CTNNA3: variants seen among roughly 807,000 people sequenced by gnomAD.
The protein encoded by CTNNA3 is catenin alpha 3.
Under a neutral mutation model 95.7 loss-of-function variants are expected in CTNNA3, and 76 were observed. The ratio of observed to expected loss-of-function variants is 0.79; its 90% CI spans 0.66 to 0.96. The LOEUF (loss-of-function observed/expected upper bound fraction) is 0.96, where lower values mean the gene tolerates loss of function less well. Among genes scored for constraint, CTNNA3 ranks in the 40% least tolerant of loss-of-function variants. The probability of loss-of-function intolerance (pLI) is 0.00; values close to 1 mark genes in which losing one functional copy is unlikely to be tolerated. For synonymous variants in CTNNA3, 431 were observed against 374.4 expected, an observed-to-expected ratio of 1.15 and a Z score of -1.74; for missense variants, 1,191 against 1,089.8, an observed-to-expected ratio of 1.09 and a Z score of -1.31.
intron 16 of CTNNA3, among the ~76,000 whole-genome samples, chr10:65,977,044 G>C (rs960463135): frequency 6.6e-6 from 1 of 151,954 alleles, no homozygotes; most frequent in African/African-American, 2.4e-5. Context: ...AAATTTTTAC[G>C]TGAAAGTGAC....
intron 9 of CTNNA3, among the ~76,000 whole-genome samples, chr10:66,650,588 T>C (rs886480155): frequency 6.6e-6 from 1 of 152,178 alleles, no homozygotes; most frequent in East Asian, 1.9e-4. Flanking sequence ...TTACAGTTTT[T>C]AAAGATGGTG....
chr10:66,865,337 C>G (rs780426141), intron 7 of CTNNA3, among the ~76,000 whole-genome samples: 3 of 151,624 alleles, frequency 2.0e-5, no homozygotes, highest in Non-Finnish European at 2.9e-5. Context: ...GGTCAGAGTA[C>G]GTATTTCTAT....
rs552725103 is a variant in CTNNA3 at position 66,592,267 on chromosome 10, C to G, written c.1374+29425G>C. ...TGTGAGAATACAAATAAAATAAGAT[C>G]ATGAAAAAAGTATTTATCACAGTTT... On this transcript the variant is annotated intron_variant, in intron 10 of 17. Coordinates refer to ENST00000433211, the MANE Select transcript of CTNNA3 (RefSeq NM_013266.4). Among the ~76,000 whole-genome samples the G allele has an allele frequency of 3.3e-5, 5 of 152,042 alleles. No individual in the cohort carries two copies. The South Asian group carries it at 1.0e-3, about 32-fold the overall frequency.
intron 13 of CTNNA3, among the ~76,000 whole-genome samples, chr10:66,249,706 T>A (rs1335250297): frequency 1.3e-5 from 2 of 152,054 alleles, no homozygotes; most frequent in East Asian, 3.9e-4. Context: ...ACAACCACCA[T>A]GAAAAATAGT....
intron 12 of CTNNA3, among the ~76,000 whole-genome samples, chr10:66,363,369 T>A (rs1263665840): frequency 6.6e-6 from 1 of 152,142 alleles, no homozygotes; most frequent in Non-Finnish European, 1.5e-5. Context: ...CATAATGGGA[T>A]TAGTGCCCTT....
chr10:66,154,761 T>C (rs902727550), intron 13 of CTNNA3, among the ~76,000 whole-genome samples: 3 of 145,032 alleles, frequency 2.1e-5, no homozygotes, highest in African/African-American at 7.6e-5. Context: ...ACAATTTATA[T>C]GAAGCTCAAT....
In CTNNA3 at chr10:66,379,314, C is replaced by A. The variant is rs754275515; in HGVS notation, c.1570G>T (p.Ala524Ser). The A allele has an allele frequency of 5.0e-6, 8 of 1,613,974 alleles. No homozygotes were observed. Among genetic ancestry groups the A allele is most frequent in the Non-Finnish European group, 6.8e-6 (8 of 1,179,996 alleles). ...TTATCAGCATCCTGGTCTCTTAAGG[C>A]TATGATACACTTGTTGACATCTTCC... ...ILEDVNKCII[A>S]LRDQDADNLD... is the part of the protein sequence containing the mutation. The change falls in exon 12 of 18, where the codon GCC becomes TCC. Residue 524 changes from alanine to serine, a missense_variant. By Grantham distance (99) the Ala-to-Ser change is moderately conservative (BLOSUM62 1). Coordinates refer to ENST00000433211, the MANE Select transcript of CTNNA3 (RefSeq NM_013266.4).
chr10:66,644,072 A>G (rs1227334682), intron 9 of CTNNA3, among the ~76,000 whole-genome samples: 1 of 152,042 alleles, frequency 6.6e-6, no homozygotes, highest in Non-Finnish European at 1.5e-5. Context: ...AGCCTGGGCA[A>G]TATGACAAGC....
chr10:66,194,462 C>A (rs1207094804), intron 13 of CTNNA3, among the ~76,000 whole-genome samples: 1 of 152,092 alleles, frequency 6.6e-6, no homozygotes, highest in African/African-American at 2.4e-5. Context: ...CACCTGTAAT[C>A]CTAGCTACTT....
rs564081169 is a variant in CTNNA3, at chr10:66,246,876, C to T, written c.1884+33594G>A. ...GACCATCCTGGCTAACACGGTGAAA[C>T]CCCGTCTCTACTAAAAAACACAAAA... is the stretch of plus-strand genomic sequence containing the variant. On this transcript the variant is annotated intron_variant, in intron 13 of 17. Transcript: ENST00000433211. Among the ~76,000 whole-genome samples the T allele has an allele frequency of 2.0e-5, 3 of 151,704 alleles. No homozygotes were observed. The East Asian group carries it at 6.0e-4, about 30-fold the overall frequency.
chr10:67,031,422 T>C (rs1387105587), intron 7 of CTNNA3, among the ~76,000 whole-genome samples: 1 of 152,226 alleles, frequency 6.6e-6, no homozygotes, highest in Non-Finnish European at 1.5e-5. Flanking sequence ...CCCTTTCTAC[T>C]ATACATTGTG....
intron 7 of CTNNA3, among the ~76,000 whole-genome samples, chr10:67,178,023 A>G (rs1239259285): frequency 6.6e-6 from 1 of 152,040 alleles, no homozygotes. Flanking sequence ...TTTTTTAACA[A>G]TTTTACCTGT....
intron 8 of CTNNA3, among the ~76,000 whole-genome samples, chr10:66,771,050 G>T (rs1840067673): frequency 6.6e-6 from 1 of 151,990 alleles, no homozygotes; most frequent in Non-Finnish European, 1.5e-5. Context: ...TGACCAGGAG[G>T]TATAAAAGCC....
rs554847469 is a variant in CTNNA3 at position 66,584,469 on chromosome 10, A to G, written c.1374+37223T>C. ...TCCTTTTTTAATATTGTTGCTCTAA[A>G]GTCTATTTTATTTGTTTTAAGAATA... On this transcript the variant is annotated intron_variant, in intron 10 of 17. Coordinates refer to ENST00000433211, the MANE Select transcript of CTNNA3 (RefSeq NM_013266.4). Among the ~76,000 whole-genome samples the G allele has an allele frequency of 2.6e-5, 4 of 151,930 alleles. No individual in the cohort carries two copies. In the East Asian group the frequency reaches 7.8e-4, roughly 29 times the overall value.
intron 7 of CTNNA3, among the ~76,000 whole-genome samples, chr10:66,803,783 T>A (rs1330095350): frequency 6.6e-6 from 1 of 152,110 alleles, no homozygotes; most frequent in Admixed American, 6.6e-5. Context: ...TTTCAGCTCT[T>A]TCTGATTCCA....
At chr10:67,112,613 G>A (rs1001701347) in intron 7 of CTNNA3, among the ~76,000 whole-genome samples, 15 of 127,232 alleles carry the variant, frequency 1.2e-4, no homozygotes, top group African/African-American at 4.2e-4. Flanking sequence ...GACTTCATTC[G>A]TTTTTCATTC....
At chr10:66,598,049 T>C (rs565977498) in intron 10 of CTNNA3, among the ~76,000 whole-genome samples, 2 of 152,002 alleles carry the variant, frequency 1.3e-5, no homozygotes, top group East Asian at 3.9e-4. Context: ...CCAAATTTAA[T>C]AGCACATTAA....
intron 7 of CTNNA3, among the ~76,000 whole-genome samples, chr10:67,034,705 C>A (rs1853935519): frequency 6.6e-6 from 1 of 152,158 alleles, no homozygotes; most frequent in Admixed American, 6.5e-5. Flanking sequence ...CACCACCCTC[C>A]TACTCAGATG....
intron 11 of CTNNA3, among the ~76,000 whole-genome samples, chr10:66,516,879 T>C (rs994705272): frequency 6.6e-6 from 1 of 152,190 alleles, no homozygotes; most frequent in Non-Finnish European, 1.5e-5. Flanking sequence ...TGCTTTAAGA[T>C]GCAACCAAGA....
Sources: gnomAD v4.1 joint callset for allele counts (sites outside exome capture counted in the v4.1 genomes callset) on GRCh38, gnomAD v4.1.1 for gene constraint, MANE v1.5 for transcripts, NCBI Gene and HGNC (gene_info 2026-07-23, HGNC 2026-07-21) for gene names.